The following MSI2 variants were observed in gnomAD, a reference collection of about 807,000 sequenced individuals.
MSI2 encodes the protein musashi RNA binding protein 2.
Under a neutral mutation model 45.6 loss-of-function variants are expected in MSI2, and 17 were observed. That is an observed-to-expected ratio of 0.37 (90% CI 0.26 to 0.56). MSI2 has a LOEUF of 0.56. Among genes scored for constraint, MSI2 ranks in the 20% least tolerant of loss-of-function variants. MSI2 has a pLI of 0.77. For synonymous variants in MSI2, 156 were observed against 158.2 expected (o/e 0.99, Z 0.11); for missense variants, 293 against 444.2 (o/e 0.66, Z 3.06).
chr17:57,398,603 G>C, intron 5 of MSI2, among the ~76,000 whole-genome samples: 1 of 151,682 alleles, frequency 6.6e-6, no homozygotes, highest in African/African-American at 2.4e-5. Flanking sequence ...GAGCTTGAAA[G>C]ATGAGTCTAG....
chr17:57,568,660 A>T (rs1297414555), intron 7 of MSI2, among the ~76,000 whole-genome samples: 1 of 152,170 alleles, frequency 6.6e-6, no homozygotes, highest in Non-Finnish European at 1.5e-5. Context: ...AGGCCTTCAC[A>T]CTAAACCCGG....
At chr17:57,436,398 A>G (rs985089648) in intron 6 of MSI2, among the ~76,000 whole-genome samples, 8 of 152,226 alleles carry the variant, frequency 5.3e-5, no homozygotes, top group African/African-American at 1.9e-4. Flanking sequence ...AGATTATGGA[A>G]GGAGGAATGT....
At chr17:57,458,490 G>A (rs1157836527) in intron 6 of MSI2, among the ~76,000 whole-genome samples, 1 of 152,220 alleles carries the variant, frequency 6.6e-6, no homozygotes, top group Non-Finnish European at 1.5e-5. Flanking sequence ...GCTTTAGTCA[G>A]AAGGAAAGAA....
chr17:57,506,839 G>C (rs2086239935), intron 6 of MSI2, among the ~76,000 whole-genome samples: 1 of 152,116 alleles, frequency 6.6e-6, no homozygotes, highest in Non-Finnish European at 1.5e-5. Context: ...GGGAGGGGAA[G>C]GACTTAAATC....
chr17:57,441,699 C>A (rs2084803019), intron 6 of MSI2, among the ~76,000 whole-genome samples: 1 of 152,146 alleles, frequency 6.6e-6, no homozygotes, highest in Admixed American at 6.6e-5. Flanking sequence ...TGCTTTCTTT[C>A]TTCCTTTTCG....
At chr17:57,504,048 T>C (rs778677512) in intron 6 of MSI2, among the ~76,000 whole-genome samples, 12 of 152,184 alleles carry the variant, frequency 7.9e-5, no homozygotes, top group Non-Finnish European at 1.6e-4. Flanking sequence ...AGAGAGGTTT[T>C]TGACAGAAAC....
chr17:57,653,873 A>G (rs1911372945), intron 11 of MSI2, among the ~76,000 whole-genome samples: 1 of 150,922 alleles, frequency 6.6e-6, no homozygotes, highest in South Asian at 2.1e-4. Flanking sequence ...GGACTCCCAG[A>G]GCCAGGTGGG....
intron 7 of MSI2, among the ~76,000 whole-genome samples, chr17:57,585,176 T>G (rs1161850065): frequency 6.6e-6 from 1 of 152,186 alleles, no homozygotes; most frequent in Non-Finnish European, 1.5e-5. Context: ...GCATGACTTG[T>G]TTTACCTCTC....
intron 9 of MSI2, among the ~76,000 whole-genome samples, chr17:57,621,713 G>A (rs1908305139): frequency 6.6e-6 from 1 of 152,218 alleles, no homozygotes; most frequent in African/African-American, 2.4e-5. Flanking sequence ...GATCTCTGTT[G>A]ATATGGCTGC....
chr17:57,693,112 C>G, the MSI2 span, among the ~76,000 whole-genome samples: 1 of 152,026 alleles, frequency 6.6e-6, no homozygotes, highest in African/African-American at 2.4e-5. Flanking sequence ...TTCCACACCT[C>G]TTGGGTACTC....
chr17:57,439,755 C>T (rs1005411311), intron 6 of MSI2, among the ~76,000 whole-genome samples: 3 of 152,022 alleles, frequency 2.0e-5, no homozygotes, highest in African/African-American at 7.2e-5. Flanking sequence ...AGAAGGAGCT[C>T]ACAGCATAGT....
intron 9 of MSI2, among the ~76,000 whole-genome samples, chr17:57,622,539 G>C (rs934353437): frequency 2.0e-5 from 3 of 152,156 alleles, no homozygotes; most frequent in African/African-American, 4.8e-5. Flanking sequence ...AAGAGAGGCT[G>C]ATGATCAGCT....
At chr17:57,409,356 C>T (rs2084145140) in intron 6 of MSI2, among the ~76,000 whole-genome samples, 1 of 152,184 alleles carries the variant, frequency 6.6e-6, no homozygotes, top group South Asian at 2.1e-4. Flanking sequence ...TTAGAATAAT[C>T]ACAGGCCTCT....
the MSI2 span, among the ~76,000 whole-genome samples, chr17:57,694,641 A>G: frequency 6.6e-6 from 1 of 152,156 alleles, no homozygotes; most frequent in African/African-American, 2.4e-5. Flanking sequence ...ATTAAGACAT[A>G]CATTGAAAGT....
intron 5 of MSI2, among the ~76,000 whole-genome samples, chr17:57,320,311 C>A (rs1413602619): frequency 6.6e-6 from 1 of 152,080 alleles, no homozygotes; most frequent in African/African-American, 2.4e-5. Flanking sequence ...ATCACAGGGA[C>A]AGGGATGGTC....
chr17:57,348,842 A>T (rs1311197496), intron 5 of MSI2, among the ~76,000 whole-genome samples: 2 of 151,986 alleles, frequency 1.3e-5, no homozygotes, highest in Non-Finnish European at 2.9e-5. Context: ...CTCTTTCCCA[A>T]CTCACATCCC....
At chr17:57,436,746 G>A (rs954482727) in intron 6 of MSI2, among the ~76,000 whole-genome samples, 6 of 152,148 alleles carry the variant, frequency 3.9e-5, no homozygotes, top group Admixed American at 6.5e-5. Context: ...ATATGACAGC[G>A]GTTAATCATT....
intron 7 of MSI2, among the ~76,000 whole-genome samples, chr17:57,530,170 G>A (rs571944595): frequency 2.6e-5 from 4 of 152,218 alleles, no homozygotes; most frequent in Non-Finnish European, 5.9e-5. Flanking sequence ...CGTTGGGTGT[G>A]TAGTGATTAC....
At chr17:57,406,570 G>A (rs917213103) in intron 6 of MSI2, among the ~76,000 whole-genome samples, 10 of 152,202 alleles carry the variant, frequency 6.6e-5, no homozygotes, top group African/African-American at 2.4e-4. Flanking sequence ...TCCTGTGAAA[G>A]CAAAGCAGCC....
Sources: gnomAD v4.1 joint callset for allele counts (sites outside exome capture counted in the v4.1 genomes callset) on GRCh38, gnomAD v4.1.1 for gene constraint, MANE v1.5 for transcripts, NCBI Gene and HGNC (gene_info 2026-07-23, HGNC 2026-07-21) for gene names.